The following PCDH15 variants were observed in gnomAD, a reference collection of about 807,000 sequenced individuals.
PCDH15 encodes the protein protocadherin-15.
A neutral mutation model predicts 178.5 loss-of-function variants in PCDH15; 129 were observed. The observed-to-expected ratio is 0.72, with a 90% CI of 0.63 to 0.84. The LOEUF is 0.84. Among genes scored for constraint, PCDH15 ranks in the 40% least tolerant of loss-of-function variants. The pLI is 0.00. For missense variants in PCDH15, 2,230 were observed against 2,099.9 expected (o/e 1.06, Z -1.21); for synonymous variants, 800 against 732.0 (o/e 1.09, Z -1.50).
intron 2 of PCDH15, among the ~76,000 whole-genome samples, chr10:54,536,997 C>CTTTTTTTTTT (rs747880795): frequency 4.3e-5 from 4 of 92,094 alleles, no homozygotes; most frequent in African/African-American, 4.1e-5. Context: ...AATTTGTTTC[C>CTTTTTTTTTT]TTTTTTTTTT....
intron 20 of PCDH15, among the ~76,000 whole-genome samples, chr10:54,001,452 T>C (rs1301136896): frequency 2.6e-5 from 4 of 151,612 alleles, no homozygotes; most frequent in African/African-American, 9.7e-5. Context: ...GTATAGAGTT[T>C]TTATTAGTTA....
chr10:54,479,052 A>C (rs186252878), intron 3 of PCDH15, among the ~76,000 whole-genome samples: 1 of 151,924 alleles, frequency 6.6e-6, no homozygotes, highest in African/African-American at 2.4e-5. Flanking sequence ...CCAGCAACAT[A>C]AATGGAGACA....
intron 2 of PCDH15, among the ~76,000 whole-genome samples, chr10:55,076,915 T>A (rs1841905009): frequency 6.6e-6 from 1 of 151,634 alleles, no homozygotes; most frequent in South Asian, 2.1e-4. Context: ...ATTATAGGCA[T>A]CTGCCACCAC....
chr10:54,762,211 T>C (rs1947964005), intron 1 of PCDH15, among the ~76,000 whole-genome samples: 1 of 152,106 alleles, frequency 6.6e-6, no homozygotes, highest in African/African-American at 2.4e-5. Context: ...TTTTCTTGTC[T>C]TATAAGAAAT....
At chr10:54,189,271 A>G in intron 11 of PCDH15, 1 of 921,816 alleles carries the variant, frequency 1.1e-6, no homozygotes, top group Non-Finnish European at 1.7e-6. Flanking sequence ...ATGAAGTAAT[A>G]CCTACGTGTT....
intron 19 of PCDH15, among the ~76,000 whole-genome samples, chr10:54,020,692 A>G (rs1259473732): frequency 6.6e-6 from 1 of 151,792 alleles, no homozygotes; most frequent in Non-Finnish European, 1.5e-5. Flanking sequence ...TTTCTATAAG[A>G]TTTTGTCATT....
intron 3 of PCDH15, among the ~76,000 whole-genome samples, chr10:54,433,257 T>C (rs1589384320): frequency 1.3e-5 from 2 of 152,216 alleles, no homozygotes; most frequent in East Asian, 3.9e-4. Context: ...ATATCAGATA[T>C]ATCTGCACTC....
At chr10:54,896,866 G>A (rs1385165595) in intron 3 of PCDH15, among the ~76,000 whole-genome samples, 1 of 152,122 alleles carries the variant, frequency 6.6e-6, no homozygotes, top group South Asian at 2.1e-4. Context: ...AAAATCTCAG[G>A]TAATAAGTTA....
intron 16 of PCDH15, among the ~76,000 whole-genome samples, chr10:54,085,721 G>A (rs1042428776): frequency 6.6e-6 from 1 of 152,034 alleles, no homozygotes; most frequent in African/African-American, 2.4e-5. Context: ...TCTTGGCTGT[G>A]TGACTAAGCC....
At chr10:54,410,867 A>G (rs1433820717) in intron 3 of PCDH15, among the ~76,000 whole-genome samples, 5 of 143,224 alleles carry the variant, frequency 3.5e-5, no homozygotes, top group Non-Finnish European at 7.6e-5. Context: ...GAGAGAAGAT[A>G]AGGACTCTGA....
At chr10:55,162,844 T>C (rs1158121491) in intron 2 of PCDH15, among the ~76,000 whole-genome samples, 2 of 152,168 alleles carry the variant, frequency 1.3e-5, no homozygotes, top group Non-Finnish European at 2.9e-5. Flanking sequence ...TCAGTCCCTC[T>C]GCTTAGTATT....
chr10:54,031,239 GTT>G (rs11315261), intron 18 of PCDH15, among the ~76,000 whole-genome samples: 5 of 150,766 alleles, frequency 3.3e-5, no homozygotes, highest in Middle Eastern at 3.4e-3. Flanking sequence ...CCTGATATAG[GTT>G]TTTTTTTTGT....
rs2135281790 is a variant in PCDH15, at chr10:54,020,208, A to G, written c.2735T>C (p.Val912Ala). 1.2e-6 allele frequency: 2 copies of G among 1,613,624 alleles called. No individual in the cohort carries two copies. Among genetic ancestry groups the G allele is most frequent in the East Asian group, 4.5e-5 (2 of 44,856 alleles). Residue 912 changes from valine to alanine, a missense_variant, in exon 20 of 38, where the codon GTC becomes GCC. Transcript: ENST00000644397. ...YGTMPPGIAT[V>A]TVIVKDMNDY... ...AGCCCTTACCTTTACAATCACTGTG[A>G]CAGTAGCAATACCAGGTGGCATTGT...
intron 28 of PCDH15, among the ~76,000 whole-genome samples, chr10:53,849,221 C>CT (rs989525589): frequency 1.8e-3 from 274 of 151,400 alleles, no homozygotes; most frequent in African/African-American, 6.3e-3. Flanking sequence ...AGTTTTTAAT[C>CT]TTTTTTTTTC....
intron 3 of PCDH15, among the ~76,000 whole-genome samples, chr10:54,875,644 T>C (rs1954126564): frequency 6.6e-6 from 1 of 152,166 alleles, no homozygotes; most frequent in African/African-American, 2.4e-5. Flanking sequence ...GTTTGAAAGA[T>C]CTGGATGGAA....
intron 2 of PCDH15, among the ~76,000 whole-genome samples, chr10:55,557,184 T>C (rs188165215): frequency 2.3e-4 from 35 of 152,278 alleles, no homozygotes; most frequent in Admixed American, 1.5e-3. Context: ...CTAGTTGCAA[T>C]ATATTTTTAT....
At chr10:54,053,547 C>T (rs1328286805) in intron 18 of PCDH15, among the ~76,000 whole-genome samples, 1 of 152,042 alleles carries the variant, frequency 6.6e-6, no homozygotes, top group Non-Finnish European at 1.5e-5. Context: ...GGAAAGTTCA[C>T]AAAAGATTTT....
chr10:54,564,509 C>T (rs1208903789), intron 2 of PCDH15, among the ~76,000 whole-genome samples: 12 of 152,104 alleles, frequency 7.9e-5, no homozygotes, highest in Admixed American at 6.6e-4. Flanking sequence ...AAAATGACGG[C>T]ACATTTTTTC....
At chr10:55,322,450 A>G (rs142531741), upstream of PCDH15, among the ~76,000 whole-genome samples, 832 of 152,314 alleles carry the variant, frequency 5.5e-3, 10 homozygotes, top group African/African-American at 0.019. Context: ...GGTAACAGGC[A>G]GAGGCTGGAA....
Sources: allele counts gnomAD v4.1 joint callset (sites outside exome capture counted in the v4.1 genomes callset), GRCh38; gene constraint gnomAD v4.1.1; transcripts MANE v1.5; gene names NCBI Gene and HGNC (gene_info 2026-07-23, HGNC 2026-07-21).